The following KIAA0930 variants were observed in gnomAD, a reference collection of about 807,000 sequenced individuals.
The protein encoded by KIAA0930 is KIAA0930.
KIAA0930 carries 24 observed loss-of-function variants against 43.9 expected under a neutral mutation model. The ratio of observed to expected loss-of-function variants is 0.55; its 90% confidence interval spans 0.40 to 0.77. The LOEUF (loss-of-function observed/expected upper bound fraction) is 0.77, where lower values mean the gene tolerates loss of function less well. Ranked by LOEUF, KIAA0930 falls within the 30% of genes least tolerant of loss-of-function variation. The probability of loss-of-function intolerance (pLI) is 0.00; values close to 1 mark genes in which losing one functional copy is unlikely to be tolerated. For missense variants in KIAA0930, 461 were observed against 574.2 expected (o/e 0.80, Z 2.02); for synonymous variants, 259 against 216.4 (o/e 1.20, Z -1.73).
At chr22:45,230,042 G>A (rs1260589039) in intron 1 of KIAA0930, among the ~76,000 whole-genome samples, 1 of 152,228 alleles carries the variant, frequency 6.6e-6, no homozygotes, top group East Asian at 1.9e-4. Context: ...GGCGCAGTGA[G>A]CCGAGATTAT....
rs567024655 is a variant in KIAA0930 at position 45,199,979 on chromosome 22, G to A, written c.909C>T (p.Phe303=). The change falls in exon 8 of 10, where the codon TTC becomes TTT. Residue 303 remains phenylalanine (F), a synonymous_variant. Transcript: ENST00000336156. ...TPERNNRPAF[F]SPSLKRKVPR... Reference sequence around the variant, plus strand: ...GCACCTTCCTCTTGAGGGATGGGGAGAAGAAGGCAGGCCGGTTGTTCCGTT... The same window carrying A: ...GCACCTTCCTCTTGAGGGATGGGGAAAAGAAGGCAGGCCGGTTGTTCCGTT... 3.7e-6 allele frequency: 6 copies of A among 1,608,878 alleles called. No homozygotes were observed. In the South Asian group the frequency reaches 6.6e-5, roughly 18 times the overall value.
chr22:45,236,937 G>A (rs1028318740), intron 1 of KIAA0930, among the ~76,000 whole-genome samples: 9 of 152,226 alleles, frequency 5.9e-5, no homozygotes, highest in Non-Finnish European at 5.9e-5. Context: ...ACAAGCAGCC[G>A]GATGTGGGTC....
rs2083530918 is a variant in KIAA0930, at chr22:45,195,765, C to T, written c.*1411G>A. On this transcript the variant is annotated 3_prime_UTR_variant, in exon 10 of 10. Coordinates refer to ENST00000336156, the MANE Select transcript of KIAA0930 (RefSeq NM_001009880.2). ...CCTGACCCAGCCACACACTTGAACCCTGGGACTTCAGTGAGGTAGGTGGTA... is the reference window on the plus strand; with the variant it reads ...CCTGACCCAGCCACACACTTGAACCTTGGGACTTCAGTGAGGTAGGTGGTA... 1.3e-5 allele frequency: 2 copies of T among 152,656 alleles called. No homozygotes were observed. Among genetic ancestry groups the T allele is most frequent in the Admixed American group, 1.3e-4 (2 of 15,280 alleles). 9.5% of individuals were successfully genotyped at this position (152,656 alleles called of 1,614,324 possible).
At chr22:45,212,478 T>C (rs1569077515) in intron 1 of KIAA0930, 9 of 1,442,162 alleles carry the variant, frequency 6.2e-6, no homozygotes, top group Admixed American at 2.6e-5. Context: ...AAGGCTTGGC[T>C]GGGGGGGAGC....
Position 45,194,514 on chromosome 22 carries a change from C to T in KIAA0930, c.*2662G>A, listed in dbSNP as rs1421474603. On this transcript the variant is annotated 3_prime_UTR_variant, in exon 10 of 10. Transcript: ENST00000336156. ...ATGCATTAGTCTTCCCCGCATTACA[C>T]AAAAGGCAGGTGTGTTCCCAGAAAA... The T allele has an allele frequency of 6.6e-6, 1 of 152,216 alleles. No individual in the cohort carries two copies. Among genetic ancestry groups the T allele is most frequent in the African/African-American group, 2.4e-5 (1 of 41,442 alleles). The allele number at this position is 152,216 out of a possible 1,614,324, so 9.4% of individuals were successfully genotyped here. A position where few individuals can be genotyped will look rare whatever the true frequency, so the allele number is the denominator to read the frequency against.
chr22:45,216,421 C>G lies in KIAA0930; in HGVS notation c.65-4314G>C, dbSNP rs147517328. On this transcript the variant is annotated intron_variant, in intron 1 of 9. Transcript: ENST00000336156. Reference sequence around the variant, plus strand: ...AATGTGGGCTGCTGGAGACCCTCTGCTCTGCTGCCCTGCATGTCAGAAACA... The same window carrying G: ...AATGTGGGCTGCTGGAGACCCTCTGGTCTGCTGCCCTGCATGTCAGAAACA... 1.2e-3 allele frequency among the ~76,000 whole-genome samples: 183 copies of G among 152,284 alleles called. 1 individual carries two copies. The highest frequency in any genetic ancestry group is 4.3e-3 in the African/African-American group (180 of 41,568).
chr22:45,229,930 C>T (rs1015249100), intron 1 of KIAA0930, among the ~76,000 whole-genome samples: 51 of 152,266 alleles, frequency 3.3e-4, no homozygotes, highest in African/African-American at 1.0e-3. Context: ...CCTGTCTCTA[C>T]GAAAAATACA....
In KIAA0930 at chr22:45,194,072, T is replaced by C. The variant is rs2083514589; in HGVS notation, c.*3104A>G. The stretch of plus-strand genomic sequence containing the variant: ...TGTATCTTTTTTTTTTTTTTTTTTT[T>C]TTTTTTTTTTTTTTTTTTTGAGACA... On this transcript the variant is annotated 3_prime_UTR_variant, in exon 10 of 10. Transcript: ENST00000336156. 1 of 127,182 alleles carries C rather than the reference T, an allele frequency of 7.9e-6. No individual in the cohort carries two copies. The highest frequency in any genetic ancestry group is 1.6e-5 in the Non-Finnish European group (1 of 60,648). The allele number at this position is 127,182 out of a possible 1,614,324, so 7.9% of individuals were successfully genotyped here.
chr22:45,211,729 A>G (rs2147748628), intron 2 of KIAA0930, among the ~76,000 whole-genome samples: 1 of 152,340 alleles, frequency 6.6e-6, no homozygotes, highest in South Asian at 2.1e-4. Context: ...ACTGCCCTTC[A>G]GGGTCACAGT....
At chr22:45,203,227 T>C (rs559426834) in intron 6 of KIAA0930, 43 bp from the exon 7 acceptor site, 1 of 1,542,630 alleles carries the variant, frequency 6.5e-7, no homozygotes, top group Admixed American at 1.9e-5. Context: ...GAGGTGGCGA[T>C]GGCTCCATGG....
At chr22:45,202,655 C>T (rs1601809739) in intron 7 of KIAA0930, 1 of 224,004 alleles carries the variant, frequency 4.5e-6, no homozygotes, top group Non-Finnish European at 8.7e-6. Context: ...GTCTCTTCTG[C>T]CCACTGGCTC....
intron 1 of KIAA0930, among the ~76,000 whole-genome samples, chr22:45,219,741 A>G (rs2083756358): frequency 6.6e-6 from 1 of 151,852 alleles, no homozygotes; most frequent in South Asian, 2.1e-4. Context: ...ACAGACATGC[A>G]CCACCAGACC....
rs781492167 is a variant in KIAA0930, at chr22:45,212,110, G to A, written c.65-3C>T. The A allele has an allele frequency of 1.9e-6, 3 of 1,613,654 alleles. No homozygotes were observed. On this transcript the variant is annotated splice_region_variant and splice_polypyrimidine_tract_variant and intron_variant, in intron 1 of 9. Coordinates refer to ENST00000336156, the MANE Select transcript of KIAA0930 (RefSeq NM_001009880.2). Reference sequence around the variant, plus strand: ...GATGCGGTCATCCTTGAAGCACCCTGCAGAGGGAGGCCAGACAGGAGTGAG... The same window carrying A: ...GATGCGGTCATCCTTGAAGCACCCTACAGAGGGAGGCCAGACAGGAGTGAG...
chr22:45,240,237 C>T (rs1417971613), intron 1 of KIAA0930, among the ~76,000 whole-genome samples: 1 of 152,246 alleles, frequency 6.6e-6, no homozygotes, highest in African/African-American at 2.4e-5. Flanking sequence ...CCGACCCTGC[C>T]GCGCTGGGCT....
rs1170314240 is a variant in KIAA0930, at chr22:45,224,374, G to A, written c.65-12267C>T. 2.6e-5 allele frequency among the ~76,000 whole-genome samples: 4 copies of A among 152,324 alleles called. 1 individual carries two copies. Among genetic ancestry groups the A allele is most frequent in the Admixed American group, 2.6e-4 (4 of 15,298 alleles). ...CGTCCTGTTTTACAAATACTCTGCG[G>A]CATGTTTACAAATACACCCAGGGCT... On this transcript the variant is annotated intron_variant, in intron 1 of 9. Coordinates refer to ENST00000336156, the MANE Select transcript of KIAA0930 (RefSeq NM_001009880.2).
intron 2 of KIAA0930, among the ~76,000 whole-genome samples, chr22:45,208,684 G>C (rs1281509711): frequency 6.6e-6 from 1 of 152,214 alleles, no homozygotes; most frequent in African/African-American, 2.4e-5. Flanking sequence ...CAGGTGTTCA[G>C]TCTAAGAAGA....
chr22:45,225,306 C>T (rs1258195179), intron 1 of KIAA0930, among the ~76,000 whole-genome samples: 4 of 152,238 alleles, frequency 2.6e-5, no homozygotes, highest in East Asian at 1.9e-4. Flanking sequence ...GCTGCTCTGA[C>T]GAGGCACTTG....
chr22:45,239,089 G>A (rs2083903076), intron 1 of KIAA0930, among the ~76,000 whole-genome samples: 1 of 152,324 alleles, frequency 6.6e-6, no homozygotes, highest in East Asian at 1.9e-4. Flanking sequence ...CTTGCGGGAG[G>A]GGCTGCCTAG....
chr22:45,218,540 T>A (rs1383870641), intron 1 of KIAA0930, among the ~76,000 whole-genome samples: 1 of 151,858 alleles, frequency 6.6e-6, no homozygotes, highest in Non-Finnish European at 1.5e-5. Context: ...TCATGGCAAC[T>A]TTATGAGGTG....
Sources: allele counts gnomAD v4.1 joint callset (sites outside exome capture counted in the v4.1 genomes callset), GRCh38; gene constraint gnomAD v4.1.1; transcripts MANE v1.5; gene names NCBI Gene and HGNC (gene_info 2026-07-23, HGNC 2026-07-21).